MOV10L1: variants seen among roughly 807,000 people sequenced by gnomAD.
MOV10L1 encodes RNA helicase Mov10l1.
In MOV10L1, 110 loss-of-function variants were observed where a neutral mutation model predicts 143.8. That is an observed-to-expected ratio of 0.76 (90% CI 0.66 to 0.90). The LOEUF is 0.90. MOV10L1 is among the 40% of genes least tolerant of loss of function. The pLI is 0.00. For synonymous variants in MOV10L1, 593 were observed against 581.1 expected, an observed-to-expected ratio of 1.02 and a Z score of -0.29; for missense variants, 1,406 against 1,526.8, an observed-to-expected ratio of 0.92 and a Z score of 1.32.
intron 13 of MOV10L1, among the ~76,000 whole-genome samples, chr22:50,131,191 G>A (rs112936000): frequency 0.023 from 3,430 of 151,752 alleles, 37 homozygotes; most frequent in Non-Finnish European, 0.028. Flanking sequence ...TACAGGTGTG[G>A]GCCACCACAC....
chr22:50,111,892 G>A (rs7284237), intron 5 of MOV10L1, among the ~76,000 whole-genome samples: 4 of 152,140 alleles, frequency 2.6e-5, no homozygotes, highest in Non-Finnish European at 1.5e-5. Flanking sequence ...TTTTGATCCC[G>A]ATAGAATGCA....
chr22:50,125,633 T>TA lies in MOV10L1; in HGVS notation c.1747+65dup. The TA allele has an allele frequency of 2.0e-6, 3 of 1,507,860 alleles. No individual in the cohort carries two copies. The South Asian group carries it at 3.7e-5, about 19-fold the overall frequency. 93.4% of individuals were successfully genotyped at this position (1,507,860 alleles called of 1,614,324 possible). ...CAGAGAAACCATACTTGAGAGAAGA[T>TA]ACTCTTTAACTGGCAATATGACAGT... On this transcript the variant is annotated intron_variant, in intron 11 of 26. Transcript: ENST00000262794.
intron 9 of MOV10L1, among the ~76,000 whole-genome samples, chr22:50,119,200 T>C (rs1341073625): frequency 6.6e-6 from 1 of 152,116 alleles, no homozygotes; most frequent in Admixed American, 6.5e-5. Flanking sequence ...TATTAACATA[T>C]TGTGTGGGAG....
At position 50,134,048 on chromosome 22, in the gene MOV10L1, T is replaced by A; in HGVS notation, c.1952T>A (p.Ile651Asn). 1 of 1,611,530 alleles carries A rather than the reference T, an allele frequency of 6.2e-7. No homozygotes were observed. Among genetic ancestry groups the A allele is most frequent in the Non-Finnish European group, 8.5e-7 (1 of 1,179,298 alleles). ...RRCHFALEHV[I>N]HLGVKVLFPE... ...TGTCACTTTGCACTTGAACACGTCA[T>A]CCACTTAGGTGTAAAAGGTATTACT... is the stretch of plus-strand genomic sequence containing the variant. The change falls in exon 14 of 27, where the codon ATC becomes AAC. Residue 651 changes from isoleucine (I) to asparagine (N), a missense_variant. By Grantham distance (149) the Ile-to-Asn change is moderately radical. Around this residue, in one of 3 missense-constraint regions of MOV10L1, gnomAD observed 1,233 missense variants for 1,351.4 expected, o/e 0.91. Coordinates refer to ENST00000262794, the MANE Select transcript of MOV10L1 (RefSeq NM_018995.3).
chr22:50,161,005 C>T lies in MOV10L1; in HGVS notation c.3504C>T (p.Asn1168=), dbSNP rs773896738. The change falls in exon 26 of 27, where the codon AAC becomes AAT. Residue 1168 remains asparagine (N), a synonymous_variant. Coordinates refer to ENST00000262794, the MANE Select transcript of MOV10L1 (RefSeq NM_018995.3). The part of the protein sequence containing the change: ...FGALLEYSIT[N]GVYMGCDLPP... ...CTTTGCTGGAATACAGTATTACAAACGGTGTTTACATGGGATGCGATTTAC... is the reference window on the plus strand; with the variant it reads ...CTTTGCTGGAATACAGTATTACAAATGGTGTTTACATGGGATGCGATTTAC... 11 of 1,614,166 alleles carry T rather than the reference C, an allele frequency of 6.8e-6. No homozygotes were observed. The East Asian group carries it at 1.3e-4, about 20-fold the overall frequency.
intron 13 of MOV10L1, among the ~76,000 whole-genome samples, chr22:50,130,874 T>C (rs2062653373): frequency 6.6e-6 from 1 of 152,182 alleles, no homozygotes; most frequent in Non-Finnish European, 1.5e-5. Context: ...ATTTTTCTAA[T>C]GACTAATGAT....
chr22:50,090,802 GA>G, intron 1 of MOV10L1: 1 of 367,924 alleles, frequency 2.7e-6, no homozygotes, highest in Non-Finnish European at 5.1e-6. Context: ...TCAGCCTCCC[GA>G]GCAGCGGGGA....
chr22:50,094,148 T>A (rs1419098178), intron 2 of MOV10L1: 1 of 152,248 alleles, frequency 6.6e-6, no homozygotes, highest in African/African-American at 2.4e-5. Flanking sequence ...CAGATTTGCT[T>A]TGGATGGCAC....
chr22:50,099,551 G>T lies in MOV10L1; in HGVS notation c.391G>T (p.Ala131Ser). 1.2e-6 allele frequency: 2 copies of T among 1,614,196 alleles called. No homozygotes were observed. The highest frequency in any genetic ancestry group is 1.1e-5 in the South Asian group (1 of 91,074). Residue 131 changes from alanine (A) to serine (S), a missense_variant, in exon 3 of 27, where the codon GCA (alanine) becomes TCA (serine). Physicochemically the swap from Ala to Ser is moderately conservative, Grantham distance 99. Coordinates refer to ENST00000262794, the MANE Select transcript of MOV10L1 (RefSeq NM_018995.3). ...IGCVTSLVEG[A>S]GCISQTTYFS... is the part of the protein sequence containing the mutation. ...CTGTGTGACTTCCCTGGTGGAGGGCGCAGGCTGTATCAGTCAGACCACCTA... is the reference window on the plus strand; with the variant it reads ...CTGTGTGACTTCCCTGGTGGAGGGCTCAGGCTGTATCAGTCAGACCACCTA...
At chr22:50,161,220 T>C in intron 26 of MOV10L1, 148 bp from the exon 27 acceptor site, 1 of 993,066 alleles carries the variant, frequency 1.0e-6, no homozygotes, top group Non-Finnish European at 1.5e-6. Context: ...CACTGTTTCC[T>C]GGACATTTGG....
chr22:50,114,653 G>A (rs746364428), intron 7 of MOV10L1, 31 bp downstream of exon 7: 40 of 1,609,026 alleles, frequency 2.5e-5, no homozygotes, highest in Non-Finnish European at 3.3e-5. Flanking sequence ...CACTGCGTGA[G>A]GTCGGGTGGG....
intron 3 of MOV10L1, among the ~76,000 whole-genome samples, chr22:50,107,678 A>G (rs1451673956): frequency 6.6e-6 from 1 of 152,178 alleles, no homozygotes; most frequent in Admixed American, 6.5e-5. Context: ...CCGGCAGGCC[A>G]TGGCTTGGAC....
rs367870150 is a variant in MOV10L1 at position 50,131,014 on chromosome 22, A to C, written c.1910+2507A>C. 2.0e-4 allele frequency among the ~76,000 whole-genome samples: 31 copies of C among 151,284 alleles called. No homozygotes were observed. The East Asian group carries it at 3.1e-3, about 15-fold the overall frequency. ...CAGGTTCACACCATTCTCCTGCCTC[A>C]GTCTCCCGAGTAGCTGGGACTACAG... On this transcript the variant is annotated intron_variant, in intron 13 of 26. Coordinates refer to ENST00000262794, the MANE Select transcript of MOV10L1 (RefSeq NM_018995.3).
Position 50,159,877 on chromosome 22 carries a change from A to T in MOV10L1, c.3324+92A>T. ...TTCAGATCTAAAGGGGCAGAGGCTGATTCCCAGCCCAGAGAAGCAGCTGCA... is the reference window on the plus strand; with the variant it reads ...TTCAGATCTAAAGGGGCAGAGGCTGTTTCCCAGCCCAGAGAAGCAGCTGCA... On this transcript the variant is annotated intron_variant, in intron 24 of 26. Transcript: ENST00000262794. This position sits in a 1 kb window ranked among gnomAD's most constrained non-coding sequence, Gnocchi z 4.1. The T allele has an allele frequency of 1.2e-6, 1 of 807,122 alleles. No individual in the cohort carries two copies. Among genetic ancestry groups the T allele is most frequent in the Non-Finnish European group, 2.0e-6 (1 of 488,660 alleles). The allele number at this position is 807,122 out of a possible 1,614,324, so 50.0% of individuals were successfully genotyped here. A position where few individuals can be genotyped will look rare whatever the true frequency, so the allele number is the denominator to read the frequency against.
intron 22 of MOV10L1, among the ~76,000 whole-genome samples, chr22:50,155,880 G>T: frequency 6.6e-6 from 1 of 152,128 alleles, no homozygotes; most frequent in East Asian, 1.9e-4. Flanking sequence ...GCAAGACCCT[G>T]TCTCTACAAA....
At chr22:50,132,984 C>T (rs1336740824) in intron 13 of MOV10L1, among the ~76,000 whole-genome samples, 2 of 151,712 alleles carry the variant, frequency 1.3e-5, no homozygotes, top group Non-Finnish European at 2.9e-5. Context: ...TGCAGTGAGC[C>T]GAGATCACGC....
Position 50,125,480 on chromosome 22 carries a change from A to G in MOV10L1, c.1658A>G (p.Asn553Ser). The G allele has an allele frequency of 6.2e-7, 1 of 1,614,234 alleles. No individual in the cohort carries two copies. Among genetic ancestry groups the G allele is most frequent in the Non-Finnish European group, 8.5e-7 (1 of 1,180,038 alleles). ...IYAEMELKEY[N>S]MSGIILRRNG... ...GCAGAAATGGAACTGAAAGAGTATA[A>G]CATGAGCGGGATCATCTTAAGAAGG... is the stretch of plus-strand genomic sequence containing the variant. The change falls in exon 11 of 27, where the codon AAC becomes AGC. Residue 553 changes from asparagine (N) to serine (S), a missense_variant. By Grantham distance (46) the Asn-to-Ser change is conservative (BLOSUM62 1). Transcript: ENST00000262794.
chr22:50,142,597 G>A (rs1399764877), intron 16 of MOV10L1, among the ~76,000 whole-genome samples: 1 of 151,980 alleles, frequency 6.6e-6, no homozygotes, highest in African/African-American at 2.4e-5. Flanking sequence ...GGGAAGCTAA[G>A]GTGGGCAGAT....
chr22:50,113,580 G>C (rs764613303), intron 5 of MOV10L1, 68 bp from the exon 6 acceptor site: 5 of 1,573,934 alleles, frequency 3.2e-6, no homozygotes, highest in South Asian at 1.2e-5. Flanking sequence ...CTATCCTCAG[G>C]AGCGGAGGCA....
Sources: allele counts gnomAD v4.1 joint callset (sites outside exome capture counted in the v4.1 genomes callset), GRCh38; gene constraint gnomAD v4.1.1; regional missense constraint gnomAD v4.1.1; non-coding constraint Gnocchi (gnomAD v3.1); transcripts MANE v1.5; gene names NCBI Gene and HGNC (gene_info 2026-07-23, HGNC 2026-07-21).